The following ARHGAP5 variants were observed in gnomAD, a reference collection of about 807,000 sequenced individuals.
ARHGAP5 encodes the protein rho GTPase-activating protein 5.
In ARHGAP5, 23 loss-of-function variants were observed where a neutral mutation model predicts 116.6. The ratio of observed to expected loss-of-function variants is 0.20; its 90% confidence interval spans 0.14 to 0.28. The LOEUF (loss-of-function observed/expected upper bound fraction) is 0.28, where lower values mean the gene tolerates loss of function less well. ARHGAP5 is among the 10% of genes least tolerant of loss of function. The probability of loss-of-function intolerance (pLI) is 1.00; values close to 1 mark genes in which losing one functional copy is unlikely to be tolerated. For missense variants in ARHGAP5, 1,405 were observed against 1,774.8 expected (o/e 0.79, Z 3.74); for synonymous variants, 574 against 602.0 (o/e 0.95, Z 0.68).
Position 32,090,498 on chromosome 14 carries a change from A to C in ARHGAP5, c.-168-4A>C, listed in dbSNP as rs552767172. On this transcript the variant is annotated splice_polypyrimidine_tract_variant and splice_region_variant and intron_variant, in intron 1 of 6. Coordinates refer to ENST00000345122, the MANE Select transcript of ARHGAP5 (RefSeq NM_001030055.2). The stretch of plus-strand genomic sequence containing the variant: ...GATTTGTTCTTTTTCTCCCCTCTCT[A>C]TAGGAAGATGATCCCTATGATCTTG... 1 of 571,130 alleles carries C rather than the reference A, an allele frequency of 1.8e-6. No individual in the cohort carries two copies. Among genetic ancestry groups the C allele is most frequent in the East Asian group, 2.9e-5 (1 of 34,862 alleles). The allele number at this position is 571,130 out of a possible 1,614,324, so 35.4% of individuals were successfully genotyped here. A position where few individuals can be genotyped will look rare whatever the true frequency, so the allele number is the denominator to read the frequency against.
At chr14:32,105,778 C>T (rs1317156900) in intron 2 of ARHGAP5, among the ~76,000 whole-genome samples, 1 of 152,158 alleles carries the variant, frequency 6.6e-6, no homozygotes, top group Non-Finnish European at 1.5e-5. Flanking sequence ...GCTTTTCCTT[C>T]TCCTCACCCA....
At chr14:32,081,677 G>T (rs1305321974) in intron 1 of ARHGAP5, among the ~76,000 whole-genome samples, 2 of 152,034 alleles carry the variant, frequency 1.3e-5, no homozygotes, top group East Asian at 3.9e-4. Flanking sequence ...AACACGTAAC[G>T]TTGGCATAAC....
At chr14:32,147,129 A>G (rs756163302) in intron 4 of ARHGAP5, among the ~76,000 whole-genome samples, 64 of 152,352 alleles carry the variant, frequency 4.2e-4, no homozygotes, top group Non-Finnish European at 7.5e-4. Flanking sequence ...AGTAAATTCT[A>G]TATGCGATTA....
intron 2 of ARHGAP5, among the ~76,000 whole-genome samples, chr14:32,109,353 A>G (rs917523396): frequency 1.3e-5 from 2 of 152,070 alleles, no homozygotes; most frequent in African/African-American, 4.8e-5. Context: ...TTATCTTTGA[A>G]TATATTGAAC....
chr14:32,095,626 G>A (rs1169933388), intron 2 of ARHGAP5, among the ~76,000 whole-genome samples: 3 of 151,984 alleles, frequency 2.0e-5, no homozygotes, highest in Non-Finnish European at 4.4e-5. Flanking sequence ...TGGTCAGACT[G>A]GTCTTGAACT....
rs1033889135 is a variant in ARHGAP5 at position 32,127,481 on chromosome 14, G to C, written c.3865+10194G>C. ...ACACAGCACATGTTTCAGAGAGCAC[G>C]GGGTTGGGGGTAAGGTTATAGATTA... On this transcript the variant is annotated intron_variant, in intron 3 of 6. Transcript: ENST00000345122. Among the ~76,000 whole-genome samples the C allele has an allele frequency of 6.6e-5, 10 of 152,238 alleles. No individual in the cohort carries two copies. In the East Asian group the frequency reaches 1.9e-3, roughly 29 times the overall value.
At chr14:32,136,418 TATCCTC>T (rs1302872464) in intron 3 of ARHGAP5, among the ~76,000 whole-genome samples, 1 of 152,228 alleles carries the variant, frequency 6.6e-6, no homozygotes, top group African/African-American at 2.4e-5. Context: ...TATTTAGACT[TATCCTC>T]ATTATAGCAT....
chr14:32,094,011 T>G lies in ARHGAP5; in HGVS notation c.3342T>G (p.Asp1114Glu). Residue 1114 changes from aspartate (D) to glutamate (E), a missense_variant, in exon 2 of 7, where the codon GAT (aspartate) becomes GAG (glutamate). Physicochemically the swap from Asp to Glu is conservative, Grantham distance 45 (BLOSUM62 2). Transcript: ENST00000345122. ...ATGAGATTTATGTTGTCCCAGATGA[T>G]AGTCAAAATCGTATTAAAATTCGAA... ...YSDEIYVVPD[D>E]SQNRIKIRNS... 7 of 1,613,242 alleles carry G rather than the reference T, an allele frequency of 4.3e-6. No individual in the cohort carries two copies. The South Asian group carries it at 5.5e-5, about 13-fold the overall frequency.
chr14:32,111,309 A>T (rs1476238913), intron 2 of ARHGAP5, among the ~76,000 whole-genome samples: 3 of 152,212 alleles, frequency 2.0e-5, no homozygotes, highest in Non-Finnish European at 4.4e-5. Context: ...GGATATTCAC[A>T]ACATTACAGT....
At chr14:32,139,764 T>C (rs1880996471) in intron 3 of ARHGAP5, among the ~76,000 whole-genome samples, 1 of 151,484 alleles carries the variant, frequency 6.6e-6, no homozygotes, top group Admixed American at 6.6e-5. Flanking sequence ...TTTGTCTTCT[T>C]TTTCTAGTTC....
At chr14:32,085,778 G>C (rs2041823020) in intron 1 of ARHGAP5, among the ~76,000 whole-genome samples, 1 of 152,014 alleles carries the variant, frequency 6.6e-6, no homozygotes, top group Non-Finnish European at 1.5e-5. Context: ...TTTTACTAAA[G>C]TCTTTAAACA....
chr14:32,094,039 T>C lies in ARHGAP5; in HGVS notation c.3370T>C (p.Ser1124Pro). Residue 1124 changes from serine (S) to proline (P), a missense_variant, in exon 2 of 7, where the codon TCA becomes CCA. Physicochemically the swap from Ser to Pro is moderately conservative, Grantham distance 74. This residue lies in a region of ARHGAP5 where 944 missense variants were observed against 1,095.3 expected (regional missense o/e 0.86). Transcript: ENST00000345122. ...DSQNRIKIRN[S>P]FVNNTQGDEE... ...TCAAAATCGTATTAAAATTCGAAAC[T>C]CATTTGTAAATAACACCCAAGGAGA... The C allele has an allele frequency of 3.1e-6, 5 of 1,613,408 alleles. No individual in the cohort carries two copies. The highest frequency in any genetic ancestry group is 4.2e-6 in the Non-Finnish European group (5 of 1,179,834).
intron 2 of ARHGAP5, among the ~76,000 whole-genome samples, chr14:32,095,740 T>C (rs1267539687): frequency 6.6e-6 from 1 of 152,166 alleles, no homozygotes; most frequent in Non-Finnish European, 1.5e-5. Flanking sequence ...AATACTGATC[T>C]AGACTTACAG....
chr14:32,092,714 C>G lies in ARHGAP5; in HGVS notation c.2045C>G (p.Ala682Gly). 1 of 1,613,424 alleles carries G rather than the reference C, an allele frequency of 6.2e-7. No homozygotes were observed. Among genetic ancestry groups the G allele is most frequent in the Non-Finnish European group, 8.5e-7 (1 of 1,179,698 alleles). The change falls in exon 2 of 7, where the codon GCT (alanine) becomes GGT (glycine). Residue 682 changes from alanine to glycine, a missense_variant. Around this residue, in one of 6 missense-constraint regions of ARHGAP5, gnomAD observed 944 missense variants for 1,095.3 expected, o/e 0.86. Transcript: ENST00000345122. The surrounding 1 kb of genome is among the most constrained non-coding windows in gnomAD (Gnocchi z 4.1). ...TTTATTGGGAAAATAAGAACTGAAGCTTCTCAGATCAGAAAAGATAAATAC... is the reference window on the plus strand; with the variant it reads ...TTTATTGGGAAAATAAGAACTGAAGGTTCTCAGATCAGAAAAGATAAATAC... ...GEFIGKIRTE[A>G]SQIRKDKYMA...
chr14:32,136,159 C>T (rs1385723154), intron 3 of ARHGAP5, among the ~76,000 whole-genome samples: 1 of 152,072 alleles, frequency 6.6e-6, no homozygotes, highest in Non-Finnish European at 1.5e-5. Flanking sequence ...ATAAGGTTAA[C>T]CATTTTAAAG....
At chr14:32,122,124 C>T (rs1481237970) in intron 3 of ARHGAP5, among the ~76,000 whole-genome samples, 1 of 152,202 alleles carries the variant, frequency 6.6e-6, no homozygotes, top group Admixed American at 6.5e-5. Flanking sequence ...AAAGAGGTGG[C>T]ACCACTTGAC....
At chr14:32,087,293 A>G (rs1406714317) in intron 1 of ARHGAP5, among the ~76,000 whole-genome samples, 4 of 152,034 alleles carry the variant, frequency 2.6e-5, no homozygotes, top group South Asian at 2.1e-4. Context: ...GTATATATAT[A>G]TGAACTATCT....
chr14:32,154,323 A>G (rs1056179698), intron 6 of ARHGAP5: 3 of 247,848 alleles, frequency 1.2e-5, no homozygotes, highest in Admixed American at 1.0e-4. Flanking sequence ...CTAATTTTGT[A>G]TTTTTAGTAG....
chr14:32,142,346 A>G (rs1178688171), intron 3 of ARHGAP5, among the ~76,000 whole-genome samples: 1 of 152,196 alleles, frequency 6.6e-6, no homozygotes, highest in Non-Finnish European at 1.5e-5. Flanking sequence ...TTAAAAGATT[A>G]TAATATGGCA....
Sources: gnomAD v4.1 joint callset for allele counts (sites outside exome capture counted in the v4.1 genomes callset) on GRCh38, gnomAD v4.1.1 for gene constraint, gnomAD v4.1.1 regional missense constraint, Gnocchi (gnomAD v3.1) non-coding constraint, MANE v1.5 for transcripts, NCBI Gene and HGNC (gene_info 2026-07-23, HGNC 2026-07-21) for gene names.